Variants in STAMBP observed in about 807,000 individuals in gnomAD.
STAMBP encodes STAM binding protein, also known as STAM-binding protein.
A neutral mutation model predicts 50.7 loss-of-function variants in STAMBP; 31 were observed. That is an observed-to-expected ratio of 0.61 (90% CI 0.46 to 0.83). The LOEUF (loss-of-function observed/expected upper bound fraction) is 0.83. Ranked by LOEUF, STAMBP falls within the 40% of genes least tolerant of loss-of-function variation. The pLI is 0.00. For missense variants in STAMBP, 472 were observed against 518.9 expected (o/e 0.91, Z 0.88); for synonymous variants, 211 against 192.4 (o/e 1.10, Z -0.80).
chr2:73,848,032 G>A (rs535624305), intron 5 of STAMBP, among the ~76,000 whole-genome samples: 48 of 152,270 alleles, frequency 3.2e-4, no homozygotes, highest in African/African-American at 9.4e-4. Context: ...GTGCCAAACC[G>A]AATTCATAAT....
intron 2 of STAMBP, 131 bp downstream of exon 2, chr2:73,831,190 T>C (rs1182978791): frequency 4.3e-6 from 3 of 696,206 alleles, no homozygotes; most frequent in South Asian, 3.5e-5. Context: ...CTCCTACATA[T>C]TGGCTGTCCT....
intron 7 of STAMBP, among the ~76,000 whole-genome samples, chr2:73,858,198 G>C (rs1248195570): frequency 7.9e-6 from 1 of 126,934 alleles, no homozygotes; most frequent in African/African-American, 3.2e-5. Flanking sequence ...TAGAGACAGG[G>C]TTTCACCATG....
intron 2 of STAMBP, among the ~76,000 whole-genome samples, chr2:73,839,327 A>G (rs1177389155): frequency 3.9e-5 from 6 of 152,234 alleles, no homozygotes; most frequent in Admixed American, 3.9e-4. Context: ...ACAATAAACC[A>G]GGCAGTGGAT....
chr2:73,847,697 A>T lies in STAMBP; in HGVS notation c.686A>T (p.Lys229Met), dbSNP rs760967509. 2 of 1,614,182 alleles carry T rather than the reference A, an allele frequency of 1.2e-6. No homozygotes were observed. Among genetic ancestry groups the T allele is most frequent in the South Asian group, 2.2e-5 (2 of 91,080 alleles). ...SDCHTTVRPA[K>M]PPVVDRSLKP... is the part of the protein sequence containing the mutation. Reference sequence around the variant, plus strand: ...TGTCACACAACTGTAAGGCCAGCTAAGCCACCTGTGGTGGACAGGTCCTTG... The same window carrying T: ...TGTCACACAACTGTAAGGCCAGCTATGCCACCTGTGGTGGACAGGTCCTTG... Residue 229 changes from lysine to methionine, a missense_variant, in exon 5 of 10, where the codon AAG (lysine) becomes ATG (methionine). Transcript: ENST00000394070.
chr2:73,851,424 G>A (rs1456970554), intron 7 of STAMBP, among the ~76,000 whole-genome samples: 1 of 152,180 alleles, frequency 6.6e-6, no homozygotes, highest in Non-Finnish European at 1.5e-5. Context: ...GGGGCAGAAC[G>A]TGCTAAAGGC....
rs1331009498 is a variant in STAMBP, at chr2:73,844,919, A to G, written c.279+31A>G. On this transcript the variant is annotated intron_variant, in intron 3 of 9. Transcript: ENST00000394070. ...TCTTCACTTTCATTGTTGCCCATCT[A>G]AAAGCTTCAGAGCAGCACAGACTGA... is the stretch of plus-strand genomic sequence containing the variant. The G allele has an allele frequency of 3.1e-6, 5 of 1,610,816 alleles. No individual in the cohort carries two copies. The African/African-American group carries it at 4.0e-5, about 13-fold the overall frequency.
At chr2:73,840,053 C>A (rs1675181379) in intron 2 of STAMBP, among the ~76,000 whole-genome samples, 1 of 152,170 alleles carries the variant, frequency 6.6e-6, no homozygotes, top group Non-Finnish European at 1.5e-5. Flanking sequence ...CCCTTTCTAT[C>A]CCCCTTCCCT....
At chr2:73,837,182 A>T (rs1223674127) in intron 2 of STAMBP, among the ~76,000 whole-genome samples, 3 of 152,244 alleles carry the variant, frequency 2.0e-5, no homozygotes, top group African/African-American at 7.2e-5. Context: ...TTCATATTGC[A>T]TTACAGTTGT....
In STAMBP at chr2:73,847,684, G is replaced by T. The variant is rs1355731734; in HGVS notation, c.673G>T (p.Val225Leu). The T allele has an allele frequency of 1.2e-5, 19 of 1,614,178 alleles. No homozygotes were observed. The highest frequency in any genetic ancestry group is 1.5e-5 in the Non-Finnish European group (18 of 1,180,028). Residue 225 changes from valine to leucine, a missense_variant, in exon 5 of 10, where the codon GTA becomes TTA. Val to Leu is a conservative substitution (Grantham distance 32). Transcript: ENST00000394070. ...SIQPSDCHTTVRPAKPPVVDR... is the reference protein window; with the variant it reads ...SIQPSDCHTTLRPAKPPVVDR... ...ACAGCCTTCAGACTGTCACACAACT[G>T]TAAGGCCAGCTAAGCCACCTGTGGT... is the stretch of plus-strand genomic sequence containing the variant.
intron 2 of STAMBP, among the ~76,000 whole-genome samples, chr2:73,834,094 C>T (rs1357656172): frequency 6.7e-6 from 1 of 149,662 alleles, no homozygotes; most frequent in South Asian, 2.1e-4. Context: ...GCCTGTAACC[C>T]CAGCCACTTG....
At chr2:73,848,939 T>A (rs183203436) in intron 5 of STAMBP, among the ~76,000 whole-genome samples, 117 of 152,296 alleles carry the variant, frequency 7.7e-4, no homozygotes, top group African/African-American at 2.6e-3. Flanking sequence ...GTGTATGTAT[T>A]TATGGGGTAC....
rs1371469279 is a variant in STAMBP, at chr2:73,864,310, C to A, written c.*2051C>A. The A allele has an allele frequency of 6.6e-6, 1 of 152,200 alleles. No homozygotes were observed. The highest frequency in any genetic ancestry group is 2.4e-5 in the African/African-American group (1 of 41,428). 9.4% of individuals were successfully genotyped at this position (152,200 alleles called of 1,614,324 possible). ...AACCACATTGATCACAGACTGATCACCAAACTGCTATATTTTCTTTTCTCT... is the reference window on the plus strand; with the variant it reads ...AACCACATTGATCACAGACTGATCAACAAACTGCTATATTTTCTTTTCTCT... On this transcript the variant is annotated 3_prime_UTR_variant, in exon 10 of 10. Coordinates refer to ENST00000394070, the MANE Select transcript of STAMBP (RefSeq NM_213622.4).
At chr2:73,854,490 G>T (rs1443450874) in intron 7 of STAMBP, among the ~76,000 whole-genome samples, 1 of 152,048 alleles carries the variant, frequency 6.6e-6, no homozygotes, top group Non-Finnish European at 1.5e-5. Flanking sequence ...TTTGAGATGA[G>T]GTCTCACTAC....
chr2:73,850,617 A>G lies in STAMBP; in HGVS notation c.1005+104A>G, dbSNP rs1676693956. 1 of 1,304,342 alleles carries G rather than the reference A, an allele frequency of 7.7e-7. No individual in the cohort carries two copies. The highest frequency in any genetic ancestry group is 1.0e-6 in the Non-Finnish European group (1 of 974,694). The allele number at this position is 1,304,342 out of a possible 1,614,324, so 80.8% of individuals were successfully genotyped here. On this transcript the variant is annotated intron_variant, in intron 7 of 9. Coordinates refer to ENST00000394070, the MANE Select transcript of STAMBP (RefSeq NM_213622.4). This position sits in a 1 kb window ranked among gnomAD's most constrained non-coding sequence, Gnocchi z 4.3. ...AAAGTCAATTATATCCAGATTATTT[A>G]TTGTTTTTCTCTCTTTTGGATGCAG...
chr2:73,868,124 CAA>C (rs11383453), downstream of STAMBP, among the ~76,000 whole-genome samples: 21 of 110,240 alleles, frequency 1.9e-4, no homozygotes, highest in African/African-American at 2.5e-4. Context: ...AACTCTGTCT[CAA>C]AAAAAAAAAA....
intron 7 of STAMBP, among the ~76,000 whole-genome samples, chr2:73,857,836 A>C (rs1573386510): frequency 6.6e-6 from 1 of 152,022 alleles, no homozygotes. Context: ...TCTTCAGACA[A>C]ATCCTCATCT....
intron 2 of STAMBP, among the ~76,000 whole-genome samples, chr2:73,843,683 G>A (rs1675721832): frequency 6.6e-6 from 1 of 152,154 alleles, no homozygotes; most frequent in Non-Finnish European, 1.5e-5. Context: ...TGAAACTTGT[G>A]TGCCTAATAT....
rs1430946736 is a variant in STAMBP at position 73,865,665 on chromosome 2, G to T, written c.*3406G>T. On this transcript the variant is annotated 3_prime_UTR_variant, in exon 10 of 10. Coordinates refer to ENST00000394070, the MANE Select transcript of STAMBP (RefSeq NM_213622.4). ...TCAGTCTAATATGCCTACCTCAAAT[G>T]ATGACAGAATGACATCTATATGCAT... 6.6e-6 allele frequency: 1 copy of T among 152,172 alleles called. No homozygotes were observed. Among genetic ancestry groups the T allele is most frequent in the Non-Finnish European group, 1.5e-5 (1 of 68,024 alleles). The allele number at this position is 152,172 out of a possible 1,614,324, so 9.4% of individuals were successfully genotyped here.
Position 73,845,189 on chromosome 2 carries a change from C to A in STAMBP, c.302C>A (p.Pro101His), listed in dbSNP as rs1376000240. 6.2e-7 allele frequency: 1 copy of A among 1,613,752 alleles called. No homozygotes were observed. Among genetic ancestry groups the A allele is most frequent in the Non-Finnish European group, 8.5e-7 (1 of 1,179,904 alleles). Reference sequence around the variant, plus strand: ...CAGAAATTAAAGGAGATTGCATTTCCCAAAGCAGAAGAGCTGAAGGCAGAG... The same window carrying A: ...CAGAAATTAAAGGAGATTGCATTTCACAAAGCAGAAGAGCTGAAGGCAGAG... ...TVKKLKEIAF[P>H]KAEELKAELL... Residue 101 changes from proline to histidine, a missense_variant, in exon 4 of 10, where the codon CCC (proline) becomes CAC (histidine). Physicochemically the swap from Pro to His is moderately conservative, Grantham distance 77. Coordinates refer to ENST00000394070, the MANE Select transcript of STAMBP (RefSeq NM_213622.4).
Sources: allele counts gnomAD v4.1 joint callset (sites outside exome capture counted in the v4.1 genomes callset), GRCh38; gene constraint gnomAD v4.1.1; non-coding constraint Gnocchi (gnomAD v3.1); transcripts MANE v1.5; gene names NCBI Gene and HGNC (gene_info 2026-07-23, HGNC 2026-07-21).